The following FAN1 variants were observed in gnomAD, a reference collection of about 807,000 sequenced individuals.
FAN1 encodes FANCD2 and FANCI associated nuclease 1, also known as fanconi-associated nuclease 1.
Under a neutral mutation model 104.9 loss-of-function variants are expected in FAN1, and 91 were observed. The ratio of observed to expected loss-of-function variants is 0.87; its 90% CI spans 0.73 to 1.03. The LOEUF (loss-of-function observed/expected upper bound fraction) is 1.03. Ranked by LOEUF, FAN1 falls within the 50% of genes least tolerant of loss-of-function variation. The probability of loss-of-function intolerance (pLI) is 0.00; values close to 1 mark genes in which losing one functional copy is unlikely to be tolerated. For missense variants in FAN1, 1,263 were observed against 1,239.9 expected (o/e 1.02, Z -0.28); for synonymous variants, 478 against 457.6 (o/e 1.04, Z -0.57).
chr15:30,911,859 C>T (rs1451673750), intron 4 of FAN1: 21 of 205,642 alleles, frequency 1.0e-4, no homozygotes, highest in Non-Finnish European at 1.6e-4. Context: ...ATCAGGAGTT[C>T]GAGACCAGCC....
At chr15:30,914,672 T>G (rs1181567512) in intron 5 of FAN1, among the ~76,000 whole-genome samples, 1 of 152,222 alleles carries the variant, frequency 6.6e-6, no homozygotes, top group Non-Finnish European at 1.5e-5. Flanking sequence ...GGCCTGTATT[T>G]TTTTTGACAC....
At chr15:30,926,797 A>G (rs1236439813) in intron 10 of FAN1, 1 of 985,324 alleles carries the variant, frequency 1.0e-6, no homozygotes, top group Non-Finnish European at 1.2e-6. Flanking sequence ...CAGTTGAGCC[A>G]TGAGCCTGAA....
chr15:30,940,544 T>G, intron 14 of FAN1: 1 of 985,536 alleles, frequency 1.0e-6, no homozygotes, highest in Non-Finnish European at 1.2e-6. Flanking sequence ...GAAATACTGA[T>G]GGCCAAGCCC....
chr15:30,941,454 C>A, intron 14 of FAN1, 112 bp from the exon 15 acceptor site: 1 of 1,584,454 alleles, frequency 6.3e-7, no homozygotes, highest in South Asian at 1.2e-5. Context: ...TCAAAATGTT[C>A]AGAAAACACC....
chr15:30,928,737 C>G, intron 11 of FAN1, 81 bp downstream of exon 11: 1 of 1,596,084 alleles, frequency 6.3e-7, no homozygotes, highest in Non-Finnish European at 8.5e-7. Context: ...CGTGTGTCCA[C>G]AGCCAGCAGA....
rs771327713 is a variant in FAN1 at position 30,914,044 on chromosome 15, C to G, written c.1764C>G (p.Thr588=). The part of the protein sequence containing the change: ...NLGRMEFPSY[T]INRKTHIFQD... ...GCCGAATGGAGTTTCCTAGTTACAC[C>G]ATCAATCGGAAAACCCACATCTTCC... The change falls in exon 5 of 15, where the codon ACC becomes ACG. Residue 588 remains threonine (T), a synonymous_variant. Coordinates refer to ENST00000362065, the MANE Select transcript of FAN1 (RefSeq NM_014967.5). 1 of 1,614,140 alleles carries G rather than the reference C, an allele frequency of 6.2e-7. No individual in the cohort carries two copies. Among genetic ancestry groups the G allele is most frequent in the Non-Finnish European group, 8.5e-7 (1 of 1,180,024 alleles).
intron 13 of FAN1, among the ~76,000 whole-genome samples, chr15:30,936,355 AG>A (rs1256638759): frequency 7.2e-5 from 11 of 152,300 alleles, no homozygotes; most frequent in Middle Eastern, 3.4e-3. Context: ...AACAGCAAGT[AG>A]CAAGTGGAAG....
At position 30,942,555 on chromosome 15, in the gene FAN1, T is replaced by C. The variant is rs2063090563; in HGVS notation, c.*993T>C. 2.9e-6 allele frequency: 1 copy of C among 341,340 alleles called. No individual in the cohort carries two copies. Among genetic ancestry groups the C allele is most frequent in the South Asian group, 7.6e-5 (1 of 13,084 alleles). 21.1% of individuals were successfully genotyped at this position (341,340 alleles called of 1,614,324 possible). A position where few individuals can be genotyped will look rare whatever the true frequency, so the allele number is the denominator to read the frequency against. On this transcript the variant is annotated 3_prime_UTR_variant, in exon 15 of 15. Coordinates refer to ENST00000362065, the MANE Select transcript of FAN1 (RefSeq NM_014967.5). ...TGTTATTAGGACAAGAATATAGCAG[T>C]CAGGAGGCCATGACTACATCACAGC...
intron 14 of FAN1, chr15:30,940,911 T>C: frequency 9.7e-7 from 1 of 1,034,584 alleles, no homozygotes; most frequent in Non-Finnish European, 1.2e-6. Context: ...AAAAGCAAAC[T>C]CATGATTTCA....
chr15:30,930,329 C>T (rs889691950), intron 12 of FAN1, among the ~76,000 whole-genome samples: 6 of 152,110 alleles, frequency 3.9e-5, no homozygotes, highest in Non-Finnish European at 8.8e-5. Context: ...GGAAACTGAC[C>T]ACAGGAGGAC....
intron 10 of FAN1, 97 bp downstream of exon 10, chr15:30,926,036 T>A: frequency 1.6e-6 from 2 of 1,242,344 alleles, no homozygotes; most frequent in East Asian, 4.7e-5. Context: ...CCTCTCTCTG[T>A]CCTCTGCTCA....
chr15:30,921,299 C>T (rs747376950), intron 7 of FAN1, among the ~76,000 whole-genome samples: 1 of 152,122 alleles, frequency 6.6e-6, no homozygotes, highest in Non-Finnish European at 1.5e-5. Flanking sequence ...TTCAGAACTC[C>T]TTGTGAGACT....
chr15:30,916,969 G>A (rs570243659), intron 5 of FAN1, among the ~76,000 whole-genome samples: 4 of 152,276 alleles, frequency 2.6e-5, no homozygotes, highest in South Asian at 2.1e-4. Context: ...CGTCCCGGCC[G>A]CGAGATAGCA....
chr15:30,904,524 G>C lies in FAN1; in HGVS notation c.-140G>C, dbSNP rs755514856. 5 of 823,520 alleles carry C rather than the reference G, an allele frequency of 6.1e-6. No individual in the cohort carries two copies. The highest frequency in any genetic ancestry group is 8.3e-6 in the Non-Finnish European group (4 of 481,478). The allele number at this position is 823,520 out of a possible 1,614,324, so 51.0% of individuals were successfully genotyped here. ...TTTCTTCTTGTAGGAAGAAGAAATT[G>C]TCGAGACGAATAACATGAGGTCATA... On this transcript the variant is annotated 5_prime_UTR_variant, in exon 2 of 15. Coordinates refer to ENST00000362065, the MANE Select transcript of FAN1 (RefSeq NM_014967.5).
At chr15:30,914,350 T>C (rs879426154) in intron 5 of FAN1, among the ~76,000 whole-genome samples, 3 of 152,086 alleles carry the variant, frequency 2.0e-5, no homozygotes, top group Non-Finnish European at 4.4e-5. Context: ...CCAAGTACCT[T>C]TGGAAGGGAG....
At chr15:30,911,399 A>T in intron 4 of FAN1, 1 of 984,936 alleles carries the variant, frequency 1.0e-6, no homozygotes, top group Non-Finnish European at 1.2e-6. Context: ...AAATGAGAGG[A>T]TGCTTTTGAA....
intron 12 of FAN1, among the ~76,000 whole-genome samples, chr15:30,929,867 A>G (rs188992075): frequency 0.023 from 2,055 of 90,684 alleles, 169 homozygotes; most frequent in Non-Finnish European, 0.032. Flanking sequence ...TATATAATAT[A>G]TATAAAATAT....
At chr15:30,926,983 C>T in intron 10 of FAN1, 3 of 985,440 alleles carry the variant, frequency 3.0e-6, no homozygotes, top group South Asian at 4.7e-5. Flanking sequence ...AATGATTTCA[C>T]TTATAACACA....
chr15:30,941,829 G>A lies in FAN1; in HGVS notation c.*267G>A. 6.2e-7 allele frequency: 1 copy of A among 1,614,066 alleles called. No homozygotes were observed. Among genetic ancestry groups the A allele is most frequent in the East Asian group, 2.2e-5 (1 of 44,888 alleles). On this transcript the variant is annotated 3_prime_UTR_variant, in exon 15 of 15. Coordinates refer to ENST00000362065, the MANE Select transcript of FAN1 (RefSeq NM_014967.5). ...TCGGGAACCCAGCGGAAGTAGCACA[G>A]TTTCCACAGTTTTATGTGTGTTCCA... is the stretch of plus-strand genomic sequence containing the variant.
Sources: gnomAD v4.1 joint callset for allele counts (sites outside exome capture counted in the v4.1 genomes callset) on GRCh38, gnomAD v4.1.1 for gene constraint, MANE v1.5 for transcripts, NCBI Gene and HGNC (gene_info 2026-07-23, HGNC 2026-07-21) for gene names.